The following FCRL4 variants were observed in gnomAD, a reference collection of about 807,000 sequenced individuals.
The protein encoded by FCRL4 is Fc receptor-like protein 4.
In FCRL4, 43 loss-of-function variants were observed where a neutral mutation model predicts 64.1. The ratio of observed to expected loss-of-function variants is 0.67; its 90% CI spans 0.53 to 0.87. FCRL4 has a LOEUF of 0.87. Among genes scored for constraint, FCRL4 ranks in the 40% least tolerant of loss-of-function variants. The probability of loss-of-function intolerance (pLI) is 0.00; values close to 1 mark genes in which losing one functional copy is unlikely to be tolerated. For synonymous variants in FCRL4, 253 were observed against 239.8 expected (o/e 1.05, Z -0.51); for missense variants, 656 against 613.5 (o/e 1.07, Z -0.73).
chr1:157,592,075 A>G lies in FCRL4; in HGVS notation c.53-2617T>C, dbSNP rs1166107007. On this transcript the variant is annotated intron_variant, in intron 2 of 11. Coordinates refer to ENST00000271532, the MANE Select transcript of FCRL4 (RefSeq NM_031282.3). Reference sequence around the variant, plus strand: ...AGCTGAAACTGGATCCCTTCCTTACACCTTATACAAAAATTAACTCAAGAT... The same window carrying G: ...AGCTGAAACTGGATCCCTTCCTTACGCCTTATACAAAAATTAACTCAAGAT... Among the ~76,000 whole-genome samples the G allele has an allele frequency of 2.0e-5, 3 of 152,194 alleles. No individual in the cohort carries two copies. The East Asian group carries it at 5.8e-4, about 29-fold the overall frequency.
intron 2 of FCRL4, among the ~76,000 whole-genome samples, chr1:157,591,688 A>G (rs1173307692): frequency 6.6e-6 from 1 of 152,190 alleles, no homozygotes; most frequent in Non-Finnish European, 1.5e-5. Flanking sequence ...ACATGAAAGT[A>G]GGCCCTAAAA....
Position 157,579,174 on chromosome 1 carries a change from C to A in FCRL4, c.1278-322G>T, listed in dbSNP as rs182213740. On this transcript the variant is annotated intron_variant, in intron 8 of 11. Coordinates refer to ENST00000271532, the MANE Select transcript of FCRL4 (RefSeq NM_031282.3). The stretch of plus-strand genomic sequence containing the variant: ...TGGTTAAAAAATACTGGCTTTCCAG[C>A]CTGGGCAACATAGTGAGACCTTGTC... Among the ~76,000 whole-genome samples the A allele has an allele frequency of 3.3e-5, 5 of 152,272 alleles. No homozygotes were observed. The East Asian group carries it at 9.6e-4, about 29-fold the overall frequency.
rs11264767 is a variant in FCRL4, at chr1:157,586,503, A to G, written c.848-48T>C. The G allele has an allele frequency of 5.2e-3, 7,927 of 1,539,114 alleles. 338 individuals carry two copies. The African/African-American group carries it at 0.096, about 19-fold the overall frequency. ...GTGGGGGTCGGGTGTGAAGGAGGGC[A>G]GGGCTAGGTAGCTGGGGTGTTGGGC... On this transcript the variant is annotated intron_variant, in intron 5 of 11. Coordinates refer to ENST00000271532, the MANE Select transcript of FCRL4 (RefSeq NM_031282.3).
Position 157,589,249 on chromosome 1 carries a change from G to T in FCRL4, c.262C>A (p.Arg88=), listed in dbSNP as rs150278458. 1 of 1,614,032 alleles carries T rather than the reference G, an allele frequency of 6.2e-7. No individual in the cohort carries two copies. The highest frequency in any genetic ancestry group is 1.3e-5 in the African/African-American group (1 of 74,920). The change falls in exon 3 of 12, where the codon CGG becomes AGG. Residue 88 remains arginine, a synonymous_variant. Coordinates refer to ENST00000271532, the MANE Select transcript of FCRL4 (RefSeq NM_031282.3). ...RESGLYRCQA[R]GSPRSNPVRL... is the part of the protein sequence containing the mutation. ...ACAGGGTTACTTCGTGGGGAGCCCC[G>T]GGCCTGGCATCTGTACAGTCCAGAT...
At chr1:157,594,576 A>C (rs1284309447) in intron 2 of FCRL4, among the ~76,000 whole-genome samples, 1 of 152,230 alleles carries the variant, frequency 6.6e-6, no homozygotes, top group East Asian at 1.9e-4. Context: ...ATAAAATCTC[A>C]ATTTTGGGGA....
In FCRL4 at chr1:157,575,247, C is replaced by CCCTTCT; in HGVS notation, c.*276_*277insAGAAGG. 1 of 467,934 alleles carries CCCTTCT rather than the reference C, an allele frequency of 2.1e-6. No homozygotes were observed. The highest frequency in any genetic ancestry group is 2.5e-5 in the South Asian group (1 of 39,700). 29.0% of individuals were successfully genotyped at this position (467,934 alleles called of 1,614,324 possible). A position where few individuals can be genotyped will look rare whatever the true frequency, so the allele number is the denominator to read the frequency against. On this transcript the variant is annotated 3_prime_UTR_variant, in exon 12 of 12. Coordinates refer to ENST00000271532, the MANE Select transcript of FCRL4 (RefSeq NM_031282.3). Reference sequence around the variant, plus strand: ...TTTATCCCCCTTCTCTAAAGCAGACCCTAGGGAATACATTAGGTCAGGCCC... The same window carrying CCCTTCT: ...TTTATCCCCCTTCTCTAAAGCAGACCCCTTCTCTAGGGAATACATTAGGTCAGGCCC...
At chr1:157,593,906 A>C (rs779039646) in intron 2 of FCRL4, among the ~76,000 whole-genome samples, 2 of 152,186 alleles carry the variant, frequency 1.3e-5, no homozygotes, top group Non-Finnish European at 2.9e-5. Flanking sequence ...TACCAATATA[A>C]TACTACTATC....
At position 157,578,847 on chromosome 1, in the gene FCRL4, G is replaced by A. The variant is rs573694510; in HGVS notation, c.1283C>T (p.Pro428Leu). The A allele has an allele frequency of 4.5e-5, 72 of 1,612,042 alleles. No homozygotes were observed. Among genetic ancestry groups the A allele is most frequent in the South Asian group, 3.6e-4 (33 of 90,784 alleles). ...GGACTCTCCTGGGCCTGGAGCGGGAGGGAGCCTGTGAGACACAGAAACACA... is the reference window on the plus strand; with the variant it reads ...GGACTCTCCTGGGCCTGGAGCGGGAAGGAGCCTGTGAGACACAGAAACACA... The part of the protein sequence containing the change: ...VGFLGDETRL[P>L]PAPGPGESSH... Residue 428 changes from proline (P) to leucine (L), a missense_variant, in exon 9 of 12, where the codon CCT (proline) becomes CTT (leucine). Transcript: ENST00000271532.
intron 2 of FCRL4, among the ~76,000 whole-genome samples, chr1:157,594,585 G>A (rs1486896765): frequency 6.6e-6 from 1 of 152,174 alleles, no homozygotes; most frequent in Non-Finnish European, 1.5e-5. Context: ...CAATTTTGGG[G>A]ATTGCTATTT....
rs866884051 is a variant in FCRL4, at chr1:157,589,277, C to T, written c.234G>A (p.Arg78=). 2 of 1,614,160 alleles carry T rather than the reference C, an allele frequency of 1.2e-6. No homozygotes were observed. Among genetic ancestry groups the T allele is most frequent in the South Asian group, 1.1e-5 (1 of 91,082 alleles). The part of the protein sequence containing the change: ...TLTPGNTLEV[R]ESGLYRCQAR... ...CCTGGCATCTGTACAGTCCAGATTC[C>T]CGAACCTCGAGGGTGTTTCCTGGGG... The change falls in exon 3 of 12, where the codon CGG becomes CGA. Residue 78 remains arginine (R), a synonymous_variant. Coordinates refer to ENST00000271532, the MANE Select transcript of FCRL4 (RefSeq NM_031282.3).
chr1:157,597,077 G>A (rs1652981673), intron 1 of FCRL4, among the ~76,000 whole-genome samples: 1 of 152,172 alleles, frequency 6.6e-6, no homozygotes, highest in South Asian at 2.1e-4. Flanking sequence ...TCATATTGTC[G>A]AGTCAGATGT....
chr1:157,574,687 T>G lies in FCRL4; in HGVS notation c.*837A>C. 4.7e-6 allele frequency: 1 copy of G among 212,590 alleles called. No homozygotes were observed. Among genetic ancestry groups the G allele is most frequent in the Non-Finnish European group, 9.5e-6 (1 of 105,030 alleles). 13.2% of individuals were successfully genotyped at this position (212,590 alleles called of 1,614,324 possible). A position where few individuals can be genotyped will look rare whatever the true frequency, so the allele number is the denominator to read the frequency against. On this transcript the variant is annotated 3_prime_UTR_variant, in exon 12 of 12. Coordinates refer to ENST00000271532, the MANE Select transcript of FCRL4 (RefSeq NM_031282.3). ...CAAGGAGTGCTTATTGCTAAGGGGTTGGTAATTATTTCAGTGAACAGACGT... is the reference window on the plus strand; with the variant it reads ...CAAGGAGTGCTTATTGCTAAGGGGTGGGTAATTATTTCAGTGAACAGACGT...
chr1:157,592,175 C>T (rs1652853512), intron 2 of FCRL4, among the ~76,000 whole-genome samples: 1 of 152,286 alleles, frequency 6.6e-6, no homozygotes, highest in African/African-American at 2.4e-5. Context: ...CCATTCAGGA[C>T]ATAGGCATGG....
chr1:157,575,829 T>G, intron 10 of FCRL4, 99 bp from the exon 11 acceptor site: 167 of 1,007,166 alleles, frequency 1.7e-4, no homozygotes, highest in Non-Finnish European at 2.4e-4. Context: ...CACTGGGCCC[T>G]GTCCACCTCA....
chr1:157,579,828 A>G (rs990246858), intron 8 of FCRL4, among the ~76,000 whole-genome samples: 2 of 152,214 alleles, frequency 1.3e-5, no homozygotes, highest in Admixed American at 1.3e-4. Context: ...CTTACCTAAG[A>G]CTGAGACACT....
intron 6 of FCRL4, among the ~76,000 whole-genome samples, chr1:157,583,759 G>A (rs1241428945): frequency 6.6e-6 from 1 of 152,190 alleles, no homozygotes; most frequent in African/African-American, 2.4e-5. Flanking sequence ...GCCTGAGACA[G>A]CCCACCTTAG....
Position 157,575,419 on chromosome 1 carries a change from G to A in FCRL4, c.*105C>T. On this transcript the variant is annotated 3_prime_UTR_variant, in exon 12 of 12. Coordinates refer to ENST00000271532, the MANE Select transcript of FCRL4 (RefSeq NM_031282.3). ...TATGCATGAGAAGAATTAGAAAGCT[G>A]GAATGAGTTGATCATTCCAGGGGCC... The A allele has an allele frequency of 2.5e-6, 2 of 785,690 alleles. No individual in the cohort carries two copies. The highest frequency in any genetic ancestry group is 1.5e-5 in the South Asian group (1 of 65,120). The allele number at this position is 785,690 out of a possible 1,614,324, so 48.7% of individuals were successfully genotyped here.
chr1:157,576,397 T>C (rs1180142213), intron 10 of FCRL4, among the ~76,000 whole-genome samples: 1 of 152,166 alleles, frequency 6.6e-6, no homozygotes, highest in Non-Finnish European at 1.5e-5. Context: ...ACCCCAAACC[T>C]TTAGGGGTTA....
At position 157,575,501 on chromosome 1, in the gene FCRL4, C is replaced by T. The variant is rs763345321; in HGVS notation, c.*23G>A. Reference sequence around the variant, plus strand: ...CAAGGGAGAAATCACATGAGTAGGACGTTCTCGTAACTTTTCATTCTCTTA... The same window carrying T: ...CAAGGGAGAAATCACATGAGTAGGATGTTCTCGTAACTTTTCATTCTCTTA... On this transcript the variant is annotated 3_prime_UTR_variant, in exon 12 of 12. Transcript: ENST00000271532. The T allele has an allele frequency of 4.3e-5, 68 of 1,579,880 alleles. No homozygotes were observed. The highest frequency in any genetic ancestry group is 1.3e-4 in the Admixed American group (8 of 59,524).
Sources: allele counts gnomAD v4.1 joint callset (sites outside exome capture counted in the v4.1 genomes callset), GRCh38; gene constraint gnomAD v4.1.1; transcripts MANE v1.5; gene names NCBI Gene and HGNC (gene_info 2026-07-23, HGNC 2026-07-21).